The following USH2A variants were observed in gnomAD, a reference collection of about 807,000 sequenced individuals.
The protein encoded by USH2A is usherin.
USH2A carries 443 observed loss-of-function variants against 538.9 expected under a neutral mutation model. The ratio of observed to expected loss-of-function variants is 0.82; its 90% CI spans 0.76 to 0.89. The LOEUF (loss-of-function observed/expected upper bound fraction) is 0.89. USH2A is among the 40% of genes least tolerant of loss of function. The pLI is 0.00. For missense variants in USH2A, 6,633 were observed against 6,324.8 expected (o/e 1.05, Z -1.65); for synonymous variants, 2,413 against 2,273.5 (o/e 1.06, Z -1.75).
intron 47 of USH2A, among the ~76,000 whole-genome samples, chr1:215,836,005 T>A (rs921701004): frequency 6.6e-6 from 1 of 152,140 alleles, no homozygotes; most frequent in Non-Finnish European, 1.5e-5. Flanking sequence ...TCTGTTATTA[T>A]GTGCAATAAT....
At chr1:216,020,876 G>A (rs552244002) in intron 32 of USH2A, among the ~76,000 whole-genome samples, 3 of 152,276 alleles carry the variant, frequency 2.0e-5, no homozygotes, top group South Asian at 4.1e-4. Flanking sequence ...AGTAAGTAGA[G>A]CATTTTCTTG....
chr1:215,888,941 G>T lies in USH2A; in HGVS notation c.7708C>A (p.Leu2570Ile), dbSNP rs1172636663. 6.2e-7 allele frequency: 1 copy of T among 1,614,170 alleles called. No homozygotes were observed. Among genetic ancestry groups the T allele is most frequent in the Admixed American group, 1.7e-5 (1 of 60,024 alleles). The change falls in exon 41 of 72, where the codon CTA becomes ATA. Residue 2570 changes from leucine to isoleucine, a missense_variant. Coordinates refer to ENST00000307340, the MANE Select transcript of USH2A (RefSeq NM_206933.4). ...NGVITHYNIY[L>I]HGRLYLRTPG... Reference sequence around the variant, plus strand: ...GTTCTCAAGTATAGACGGCCATGTAGATAAATGTTATAATGGGTAATAACC... The same window carrying T: ...GTTCTCAAGTATAGACGGCCATGTATATAAATGTTATAATGGGTAATAACC...
At chr1:216,187,823 T>C (rs1470115800) in intron 20 of USH2A, among the ~76,000 whole-genome samples, 1 of 151,906 alleles carries the variant, frequency 6.6e-6, no homozygotes, top group Non-Finnish European at 1.5e-5. Context: ...TACAAATAAG[T>C]TATGCTTATT....
At chr1:215,877,636 A>T (rs1436766642) in intron 43 of USH2A, 122 bp downstream of exon 43, 1 of 1,469,606 alleles carries the variant, frequency 6.8e-7, no homozygotes, top group African/African-American at 1.4e-5. Context: ...ATAATAACCA[A>T]ACATGTTTTA....
At chr1:216,294,230 A>G (rs1433140934) in intron 9 of USH2A, among the ~76,000 whole-genome samples, 1 of 152,186 alleles carries the variant, frequency 6.6e-6, no homozygotes, top group Non-Finnish European at 1.5e-5. Flanking sequence ...AACTATAGAC[A>G]TAATAAAAAT....
chr1:216,082,379 G>T (rs922591710), intron 26 of USH2A, among the ~76,000 whole-genome samples: 3 of 149,138 alleles, frequency 2.0e-5, no homozygotes, highest in Non-Finnish European at 3.0e-5. Flanking sequence ...ATTTAAAAAA[G>T]CAGAAATTTT....
chr1:216,200,141 A>G lies in USH2A; in HGVS notation c.3317-20T>C. The G allele has an allele frequency of 3.1e-6, 5 of 1,603,332 alleles. No individual in the cohort carries two copies. The highest frequency in any genetic ancestry group is 4.2e-6 in the Non-Finnish European group (5 of 1,177,446). On this transcript the variant is annotated intron_variant, in intron 16 of 71. Transcript: ENST00000307340. ...GAATACCTGAAATGAAAAGAAAAAA[A>G]AAAAACAAAGTTACATTTCACAAGT...
At chr1:215,712,004 T>G (rs1270216955) in intron 61 of USH2A, among the ~76,000 whole-genome samples, 2 of 152,162 alleles carry the variant, frequency 1.3e-5, no homozygotes, top group Non-Finnish European at 2.9e-5. Flanking sequence ...AAGCATATAT[T>G]CCACTAATAA....
chr1:215,721,049 T>C (rs895477179), intron 61 of USH2A, among the ~76,000 whole-genome samples: 1 of 151,926 alleles, frequency 6.6e-6, no homozygotes, highest in African/African-American at 2.4e-5. Context: ...CATATCAGGT[T>C]TTAATTTAGA....
chr1:216,108,630 T>C (rs1186045076), intron 21 of USH2A, among the ~76,000 whole-genome samples: 1 of 152,048 alleles, frequency 6.6e-6, no homozygotes, highest in Non-Finnish European at 1.5e-5. Flanking sequence ...GTTATCGATC[T>C]GTTTATTTTT....
At chr1:215,928,332 G>A (rs58003340) in intron 38 of USH2A, among the ~76,000 whole-genome samples, 1 of 151,850 alleles carries the variant, frequency 6.6e-6, no homozygotes, top group Middle Eastern at 3.2e-3. Flanking sequence ...TGTCATGTAA[G>A]GAAAGATTTT....
chr1:216,119,849 C>A (rs1038354734), intron 21 of USH2A, among the ~76,000 whole-genome samples: 1 of 152,112 alleles, frequency 6.6e-6, no homozygotes, highest in Non-Finnish European at 1.5e-5. Context: ...CAATTTCATT[C>A]TTATCTATAG....
chr1:216,017,256 C>A (rs2102498066), intron 32 of USH2A, among the ~76,000 whole-genome samples: 1 of 152,224 alleles, frequency 6.6e-6, no homozygotes, highest in Non-Finnish European at 1.5e-5. Flanking sequence ...CAAAAACACA[C>A]ACGCACACAC....
intron 67 of USH2A, among the ~76,000 whole-genome samples, chr1:215,642,990 T>A (rs1233822283): frequency 6.6e-6 from 1 of 152,216 alleles, no homozygotes; most frequent in Non-Finnish European, 1.5e-5. Context: ...TATTCTATTT[T>A]TAAATTATTA....
At chr1:215,848,312 TA>T (rs1663920629) in intron 44 of USH2A, among the ~76,000 whole-genome samples, 1 of 152,216 alleles carries the variant, frequency 6.6e-6, no homozygotes, top group African/African-American at 2.4e-5. Context: ...AGGCTGATTA[TA>T]AAGTCAAGCC....
At chr1:215,855,771 C>A (rs1664148359) in intron 44 of USH2A, among the ~76,000 whole-genome samples, 1 of 152,122 alleles carries the variant, frequency 6.6e-6, no homozygotes, top group African/African-American at 2.4e-5. Flanking sequence ...TAACACATCA[C>A]CTGACCTCAA....
chr1:215,748,463 A>G (rs1660543123), intron 58 of USH2A, among the ~76,000 whole-genome samples: 1 of 152,224 alleles, frequency 6.6e-6, no homozygotes, highest in Non-Finnish European at 1.5e-5. Context: ...ACAATGGCAA[A>G]TTTACATGAA....
intron 27 of USH2A, among the ~76,000 whole-genome samples, chr1:216,075,774 A>T (rs2031726962): frequency 6.6e-6 from 1 of 152,176 alleles, no homozygotes; most frequent in Non-Finnish European, 1.5e-5. Flanking sequence ...ATCTTCAGCA[A>T]ATTATGTTGC....
At chr1:216,039,049 T>A (rs1271702850) in intron 32 of USH2A, among the ~76,000 whole-genome samples, 1 of 152,042 alleles carries the variant, frequency 6.6e-6, no homozygotes, top group Non-Finnish European at 1.5e-5. Context: ...ACGGGTGCAT[T>A]ATAGAAGCAC....
Sources: allele counts gnomAD v4.1 joint callset (sites outside exome capture counted in the v4.1 genomes callset), GRCh38; gene constraint gnomAD v4.1.1; transcripts MANE v1.5; gene names NCBI Gene and HGNC (gene_info 2026-07-23, HGNC 2026-07-21).